Variants in REL observed in about 807,000 individuals in gnomAD.
The protein encoded by REL is REL proto-oncogene, NF-kB subunit.
In REL, 15 loss-of-function variants were observed where a neutral mutation model predicts 45.9. The ratio of observed to expected loss-of-function variants is 0.33; its 90% CI spans 0.22 to 0.50. The LOEUF is 0.50. Among genes scored for constraint, REL ranks in the 20% least tolerant of loss-of-function variants. The pLI is 0.98. For synonymous variants in REL, 239 were observed against 242.1 expected (o/e 0.99, Z 0.12); for missense variants, 601 against 715.2 (o/e 0.84, Z 1.82).
At chr2:60,917,065 A>G (rs374307490) in intron 5 of REL, 48 bp downstream of exon 5, 1 of 1,478,438 alleles carries the variant, frequency 6.8e-7, no homozygotes, top group African/African-American at 1.4e-5. Flanking sequence ...TGTTTTTTGT[A>G]ATAGTTTAAT....
In REL at chr2:60,904,580, T is replaced by C. The variant is rs1170555608; in HGVS notation, c.394+3497T>C. On this transcript the variant is annotated intron_variant, in intron 4 of 9. Coordinates refer to ENST00000394479, the MANE Select transcript of REL (RefSeq NM_001291746.2). ...GAGTGAAACTCCATCTCAAAAAAAA[T>C]AATTAAAAAAAAAAAAAATCAAGTA... 7.1e-5 allele frequency among the ~76,000 whole-genome samples: 10 copies of C among 141,142 alleles called. No individual in the cohort carries two copies. In the East Asian group the frequency reaches 1.8e-3, roughly 26 times the overall value. The allele number at this position is 141,142 out of a possible 152,430, so 92.6% of individuals were successfully genotyped here.
At chr2:60,882,511 C>G (rs1260560093) in intron 1 of REL, among the ~76,000 whole-genome samples, 1 of 152,126 alleles carries the variant, frequency 6.6e-6, no homozygotes, top group Non-Finnish European at 1.5e-5. Flanking sequence ...CCCGTCTCTA[C>G]TAAAAATACA....
In REL at chr2:60,908,000, A is replaced by G. The variant is rs1378484147; in HGVS notation, c.394+6917A>G. 2.0e-5 allele frequency among the ~76,000 whole-genome samples: 3 copies of G among 151,794 alleles called. No individual in the cohort carries two copies. In the East Asian group the frequency reaches 5.8e-4, roughly 29 times the overall value. On this transcript the variant is annotated intron_variant, in intron 4 of 9. Transcript: ENST00000394479. ...AGCCACCACGCCCCGCCTTATTTGT[A>G]CTTTTCTACCAAAAATATCACAGTT...
rs1239726514 is a variant in REL at position 60,931,260 on chromosome 2, TG to T, written c.*8727del. The T allele has an allele frequency of 6.6e-6, 1 of 152,380 alleles. No homozygotes were observed. Among genetic ancestry groups the T allele is most frequent in the African/African-American group, 2.4e-5 (1 of 41,472 alleles). The allele number at this position is 152,380 out of a possible 1,614,324, so 9.4% of individuals were successfully genotyped here. A position where few individuals can be genotyped will look rare whatever the true frequency, so the allele number is the denominator to read the frequency against. ...TGGGTAACCAGCGTTCTTAAATGTA[TG>T]GTTTTTGACCAGGTGAACCCTTTAG... On this transcript the variant is annotated 3_prime_UTR_variant, in exon 10 of 10. Coordinates refer to ENST00000394479, the MANE Select transcript of REL (RefSeq NM_001291746.2).
rs1674237262 is a variant in REL at position 60,925,070 on chromosome 2, T to C, written c.*2535T>C. 1 of 197,302 alleles carries C rather than the reference T, an allele frequency of 5.1e-6. No homozygotes were observed. Among genetic ancestry groups the C allele is most frequent in the South Asian group, 1.9e-4 (1 of 5,252 alleles). 12.2% of individuals were successfully genotyped at this position (197,302 alleles called of 1,614,324 possible). ...GACATTGTAAGGGTTAATTAGATCA[T>C]TATATTTTATTATTACAGATTAAAG... On this transcript the variant is annotated 3_prime_UTR_variant, in exon 10 of 10. Coordinates refer to ENST00000394479, the MANE Select transcript of REL (RefSeq NM_001291746.2).
chr2:60,917,112 T>C, intron 5 of REL, 95 bp downstream of exon 5: 1 of 1,079,614 alleles, frequency 9.3e-7, no homozygotes, highest in Non-Finnish European at 1.3e-6. Context: ...AAACAATATA[T>C]TCATGATAGG....
chr2:60,890,844 A>G (rs1673191519), intron 1 of REL, among the ~76,000 whole-genome samples: 1 of 152,150 alleles, frequency 6.6e-6, no homozygotes, highest in African/African-American at 2.4e-5. Context: ...GCTATCGTTC[A>G]TTGTATATTA....
chr2:60,915,677 A>G (rs1673944126), intron 4 of REL, among the ~76,000 whole-genome samples: 2 of 152,234 alleles, frequency 1.3e-5, no homozygotes, highest in African/African-American at 4.8e-5. Context: ...TAAAATTGTT[A>G]TGTAAATAAT....
chr2:60,906,893 G>GTGTA (rs1372754896), intron 4 of REL, among the ~76,000 whole-genome samples: 55 of 121,402 alleles, frequency 4.5e-4, no homozygotes, highest in African/African-American at 1.8e-3. Context: ...GTGTGTGTGT[G>GTGTA]TATATATATA....
Position 60,901,063 on chromosome 2 carries a change from C to G in REL, c.374C>G (p.Ala125Gly). 1.2e-6 allele frequency: 2 copies of G among 1,604,470 alleles called. No homozygotes were observed. The highest frequency in any genetic ancestry group is 2.3e-5 in the East Asian group (1 of 43,940). The change falls in exon 4 of 10, where the codon GCA becomes GGA. Residue 125 changes from alanine to glycine, a missense_variant. This residue lies in a region of REL where 241 missense variants were observed against 347.0 expected (regional missense o/e 0.69). Transcript: ENST00000394479. The stretch of plus-strand genomic sequence containing the variant: ...GAAGCTATTATTACAAGAATAAAGG[C>G]AGGAATCAATCCATTCAATGGTAAG... The part of the protein sequence containing the change: ...VKEAIITRIK[A>G]GINPFNVPEK...
intron 4 of REL, among the ~76,000 whole-genome samples, chr2:60,903,475 G>GTGATTCTCCCACCTCAGC (rs1380279014): frequency 6.6e-6 from 1 of 152,106 alleles, no homozygotes; most frequent in Admixed American, 6.6e-5. Context: ...CCAGGCTCAG[G>GTGATTCTCCCACCTCAGC]TGATTCTCCC....
intron 3 of REL, among the ~76,000 whole-genome samples, chr2:60,897,748 G>A (rs1024857303): frequency 1.6e-4 from 24 of 151,830 alleles, no homozygotes; most frequent in African/African-American, 5.3e-4. Flanking sequence ...CTTAAGTAGC[G>A]GGGCACAGTG....
chr2:60,890,376 C>T (rs1323206894), intron 1 of REL, among the ~76,000 whole-genome samples: 1 of 152,116 alleles, frequency 6.6e-6, no homozygotes, highest in Non-Finnish European at 1.5e-5. Flanking sequence ...TAATTTTAAT[C>T]ACATTTCCTT....
rs1367509542 is a variant in REL at position 60,924,891 on chromosome 2, A to G, written c.*2356A>G. On this transcript the variant is annotated 3_prime_UTR_variant, in exon 10 of 10. Coordinates refer to ENST00000394479, the MANE Select transcript of REL (RefSeq NM_001291746.2). The stretch of plus-strand genomic sequence containing the variant: ...TTCTGCATACTTTATGTGAGTTGTT[A>G]TAGCTGTAACATTACACTTTATTTG... 2 of 213,646 alleles carry G rather than the reference A, an allele frequency of 9.4e-6. No individual in the cohort carries two copies. The highest frequency in any genetic ancestry group is 1.9e-5 in the Non-Finnish European group (2 of 105,560). 13.2% of individuals were successfully genotyped at this position (213,646 alleles called of 1,614,324 possible).
At chr2:60,906,913 A>ATATATATAT (rs1311506982) in intron 4 of REL, among the ~76,000 whole-genome samples, 162 of 104,312 alleles carry the variant, frequency 1.6e-3, no homozygotes, top group Middle Eastern at 7.0e-3. Context: ...ATATATATAT[A>ATATATATAT]TTTTTTTTTT....
At chr2:60,884,376 T>G (rs1299672136) in intron 1 of REL, among the ~76,000 whole-genome samples, 1 of 152,068 alleles carries the variant, frequency 6.6e-6, no homozygotes, top group Non-Finnish European at 1.5e-5. Context: ...TGATTCTAAA[T>G]TTTGTTTAGA....
intron 3 of REL, among the ~76,000 whole-genome samples, chr2:60,898,796 G>A (rs1019657646): frequency 5.9e-5 from 9 of 152,232 alleles, no homozygotes; most frequent in Non-Finnish European, 1.0e-4. Flanking sequence ...TGGTCCATGA[G>A]TTACAGTTTG....
intron 4 of REL, among the ~76,000 whole-genome samples, chr2:60,902,955 A>G (rs886463081): frequency 6.6e-6 from 1 of 152,178 alleles, no homozygotes; most frequent in African/African-American, 2.4e-5. Context: ...CACTGAATAT[A>G]CACTGTGAGC....
Position 60,894,406 on chromosome 2 carries a change from T to C in REL, c.163T>C (p.Tyr55His), listed in dbSNP as rs762750452. ...TTCCCCCTTTTTTCAGATTATGAAC[T>C]ATTATGGAAAAGGAAAAGTGAGAAT... ...RTYPSIQIMN[Y>H]YGKGKVRITL... is the part of the protein sequence containing the mutation. Residue 55 changes from tyrosine (Y) to histidine (H), a missense_variant, in exon 3 of 10, where the codon TAT becomes CAT. Tyr to His is a moderately conservative substitution (Grantham distance 83). Coordinates refer to ENST00000394479, the MANE Select transcript of REL (RefSeq NM_001291746.2). 5.9e-6 allele frequency: 9 copies of C among 1,536,310 alleles called. No individual in the cohort carries two copies. The highest frequency in any genetic ancestry group is 7.1e-6 in the Non-Finnish European group (8 of 1,129,272).
Sources: allele counts gnomAD v4.1 joint callset (sites outside exome capture counted in the v4.1 genomes callset), GRCh38; gene constraint gnomAD v4.1.1; regional missense constraint gnomAD v4.1.1; transcripts MANE v1.5; gene names NCBI Gene and HGNC (gene_info 2026-07-23, HGNC 2026-07-21).